Variants in ASAP1 observed in about 807,000 individuals in gnomAD.
ASAP1 encodes arf-GAP with SH3 domain, ANK repeat and PH domain-containing protein 1.
A neutral mutation model predicts 145.2 loss-of-function variants in ASAP1; 43 were observed. The observed-to-expected ratio is 0.30, with a 90% CI of 0.23 to 0.38. The LOEUF is 0.38. ASAP1 is among the 10% of genes least tolerant of loss of function. The pLI, the probability that ASAP1 is intolerant of heterozygous loss-of-function variation, is 1.00. For synonymous variants in ASAP1, 546 were observed against 515.5 expected, an observed-to-expected ratio of 1.06 and a Z score of -0.80; for missense variants, 1,018 against 1,355.3, an observed-to-expected ratio of 0.75 and a Z score of 3.91.
At chr8:130,099,166 ACCAGG>A (rs956202193) in intron 24 of ASAP1, among the ~76,000 whole-genome samples, 8 of 150,074 alleles carry the variant, frequency 5.3e-5, no homozygotes, top group Non-Finnish European at 1.0e-4. Context: ...CGTGTACGCC[ACCAGG>A]CCTAGCTAAT....
rs59778799 is a variant in ASAP1 at position 130,101,732 on chromosome 8, ATTTTTT to A, written c.2402-9595_2402-9590del. 3.7e-4 allele frequency among the ~76,000 whole-genome samples: 32 copies of A among 86,922 alleles called. 2 individuals carry two copies. Among genetic ancestry groups the A allele is most frequent in the Middle Eastern group, 6.8e-3 (1 of 148 alleles). 57.0% of individuals were successfully genotyped at this position (86,922 alleles called of 152,430 possible). The stretch of plus-strand genomic sequence containing the variant: ...AGGCATGTGCTACCACACCTGGTTA[ATTTTTT>A]TTTTTTTTTTTTTTGCAGAGATAGG... On this transcript the variant is annotated intron_variant, in intron 24 of 29. Coordinates refer to ENST00000518721, the MANE Select transcript of ASAP1 (RefSeq NM_018482.4).
chr8:130,232,873 A>G (rs1277696097), intron 4 of ASAP1, among the ~76,000 whole-genome samples: 1 of 152,178 alleles, frequency 6.6e-6, no homozygotes, highest in African/African-American at 2.4e-5. Context: ...AATTATGAAA[A>G]TGCATTGGGA....
intron 2 of ASAP1, among the ~76,000 whole-genome samples, chr8:130,396,425 T>C (rs1306244571): frequency 6.6e-6 from 1 of 152,164 alleles, no homozygotes; most frequent in African/African-American, 2.4e-5. Context: ...TCACTTCCCA[T>C]CTCTCAGTTT....
intron 2 of ASAP1, among the ~76,000 whole-genome samples, chr8:130,370,502 T>G (rs1417961409): frequency 6.6e-6 from 1 of 152,170 alleles, no homozygotes; most frequent in African/African-American, 2.4e-5. Context: ...CCATCCAGTC[T>G]AGGGTAATTT....
At chr8:130,108,678 C>A (rs1592818781) in intron 24 of ASAP1, among the ~76,000 whole-genome samples, 1 of 149,338 alleles carries the variant, frequency 6.7e-6, no homozygotes. Flanking sequence ...AGTAAATAAA[C>A]CTAGGTTCTG....
chr8:130,099,378 C>T (rs1438908106), intron 24 of ASAP1, among the ~76,000 whole-genome samples: 1 of 152,022 alleles, frequency 6.6e-6, no homozygotes, highest in Non-Finnish European at 1.5e-5. Flanking sequence ...GACGGGGTTT[C>T]ACCATGTTAG....
intron 3 of ASAP1, among the ~76,000 whole-genome samples, chr8:130,345,579 G>GC (rs1218907781): frequency 6.6e-6 from 1 of 152,252 alleles, no homozygotes; most frequent in East Asian, 1.9e-4. Flanking sequence ...GGAGGTGGGG[G>GC]CTATGGAGCC....
At chr8:130,305,292 C>T (rs1311877188) in intron 3 of ASAP1, among the ~76,000 whole-genome samples, 1 of 152,222 alleles carries the variant, frequency 6.6e-6, no homozygotes, top group East Asian at 1.9e-4. Flanking sequence ...TCTCATTGTT[C>T]TATCCATAGT....
At chr8:130,094,326 T>C (rs1210446843) in intron 24 of ASAP1, among the ~76,000 whole-genome samples, 1 of 152,104 alleles carries the variant, frequency 6.6e-6, no homozygotes, top group African/African-American at 2.4e-5. Flanking sequence ...TCTTCCCTCC[T>C]CAGCCTCCTG....
At chr8:130,422,899 G>A (rs72726217) in intron 1 of ASAP1, among the ~76,000 whole-genome samples, 5,192 of 152,194 alleles carry the variant, frequency 0.034, 125 homozygotes, top group Middle Eastern at 0.075. Context: ...AGATGGATCC[G>A]GAAACAACCT....
chr8:130,275,423 G>A (rs192501978), intron 3 of ASAP1, among the ~76,000 whole-genome samples: 21 of 152,278 alleles, frequency 1.4e-4, no homozygotes, highest in African/African-American at 5.1e-4. Flanking sequence ...GGATGACCCA[G>A]GTCAATACCC....
rs77295518 is a variant in ASAP1, at chr8:130,102,006, A to C, written c.2402-9863T>G. On this transcript the variant is annotated intron_variant, in intron 24 of 29. Coordinates refer to ENST00000518721, the MANE Select transcript of ASAP1 (RefSeq NM_018482.4). ...AAATGTGTTTTTTGGTGACGTCTTT[A>C]GGTTTTTCTATATAGAAGATCATGT... Among the ~76,000 whole-genome samples, 219 of 152,174 alleles carry C rather than the reference A, an allele frequency of 1.4e-3. 5 individuals are homozygous for C. The East Asian group carries it at 0.038, about 26-fold the overall frequency.
intron 3 of ASAP1, among the ~76,000 whole-genome samples, chr8:130,320,703 A>G (rs1197686049): frequency 6.6e-6 from 1 of 152,134 alleles, no homozygotes; most frequent in Non-Finnish European, 1.5e-5. Context: ...AAGAAGTATC[A>G]TTCCTCTCTA....
intron 18 of ASAP1, 121 bp from the exon 19 acceptor site, chr8:130,118,796 CA>C: frequency 1.5e-6 from 1 of 688,710 alleles, no homozygotes; most frequent in South Asian, 3.9e-5. Flanking sequence ...TTTCACCATT[CA>C]AATAAACCAG....
intron 3 of ASAP1, chr8:130,247,146 T>C (rs1381222363): frequency 6.6e-6 from 1 of 152,208 alleles, no homozygotes; most frequent in African/African-American, 2.4e-5. Flanking sequence ...AAAGGTACTG[T>C]TAACACCTTT....
rs369644334 is a variant in ASAP1 at position 130,054,532 on chromosome 8, G to A, written c.*199C>T. On this transcript the variant is annotated 3_prime_UTR_variant, in exon 30 of 30. Coordinates refer to ENST00000518721, the MANE Select transcript of ASAP1 (RefSeq NM_018482.4). ...CTTTGGCAAACCAGTAAGGCGCGCC[G>A]GGTCCGAGGCTACCCTCATACTGGT... 48 of 495,712 alleles carry A rather than the reference G, an allele frequency of 9.7e-5. No homozygotes were observed. The highest frequency in any genetic ancestry group is 1.6e-4 in the Non-Finnish European group (43 of 267,780). 30.7% of individuals were successfully genotyped at this position (495,712 alleles called of 1,614,324 possible). A position where few individuals can be genotyped will look rare whatever the true frequency, so the allele number is the denominator to read the frequency against.
chr8:130,360,523 C>T (rs79601215), intron 2 of ASAP1, among the ~76,000 whole-genome samples: 2,853 of 152,326 alleles, frequency 0.019, 40 homozygotes, highest in East Asian at 0.063. Context: ...CATCAATGTC[C>T]TCTAAGAGGC....
chr8:130,412,654 CTTCT>C (rs1586998977), intron 1 of ASAP1, among the ~76,000 whole-genome samples: 2 of 151,578 alleles, frequency 1.3e-5, no homozygotes, highest in African/African-American at 2.4e-5. Context: ...CTTTTCTTTT[CTTCT>C]TTTTTTTTTT....
chr8:130,205,182 C>G (rs1317173706), intron 5 of ASAP1, among the ~76,000 whole-genome samples: 3 of 151,958 alleles, frequency 2.0e-5, no homozygotes, highest in Non-Finnish European at 4.4e-5. Context: ...TTCCTTCTTC[C>G]TTCCTCTCAC....
Sources: allele counts gnomAD v4.1 joint callset (sites outside exome capture counted in the v4.1 genomes callset), GRCh38; gene constraint gnomAD v4.1.1; transcripts MANE v1.5; gene names NCBI Gene and HGNC (gene_info 2026-07-23, HGNC 2026-07-21).